CACNA2D1: variants seen among roughly 807,000 people sequenced by gnomAD.
CACNA2D1 encodes voltage-dependent calcium channel subunit alpha-2/delta-1.
CACNA2D1 carries 53 observed loss-of-function variants against 171.5 expected under a neutral mutation model. The observed-to-expected ratio is 0.31, with a 90% CI of 0.25 to 0.39. The LOEUF (loss-of-function observed/expected upper bound fraction) is 0.39, where lower values mean the gene tolerates loss of function less well. CACNA2D1 is among the 10% of genes least tolerant of loss of function. The probability of loss-of-function intolerance (pLI) is 1.00; values close to 1 mark genes in which losing one functional copy is unlikely to be tolerated. For synonymous variants in CACNA2D1, 442 were observed against 443.1 expected (o/e 1.00, Z 0.03); for missense variants, 903 against 1,299.8 (o/e 0.69, Z 4.69).
chr7:82,204,713 C>T (rs1206363131), intron 3 of CACNA2D1, among the ~76,000 whole-genome samples: 1 of 152,080 alleles, frequency 6.6e-6, no homozygotes, highest in Admixed American at 6.5e-5. Flanking sequence ...ATGCATAAGG[C>T]TTATGTGTTG....
chr7:82,399,023 C>T (rs772240495), intron 1 of CACNA2D1, among the ~76,000 whole-genome samples: 10 of 151,976 alleles, frequency 6.6e-5, no homozygotes, highest in African/African-American at 2.4e-4. Context: ...GAACCTTCTA[C>T]ATTTGAATCA....
intron 3 of CACNA2D1, among the ~76,000 whole-genome samples, chr7:82,205,944 T>C (rs1799964507): frequency 2.0e-5 from 3 of 152,146 alleles, no homozygotes; most frequent in Admixed American, 2.0e-4. Flanking sequence ...ATTTTTTTGT[T>C]AAAAATGTTT....
At chr7:82,005,699 T>C (rs879917882) in intron 17 of CACNA2D1, 66 bp downstream of exon 17, 1 of 1,124,862 alleles carries the variant, frequency 8.9e-7, no homozygotes, top group African/African-American at 1.5e-5. Flanking sequence ...ATTACCTAAG[T>C]GCCAAGCTAA....
chr7:82,013,969 G>A (rs1162489742), intron 13 of CACNA2D1, among the ~76,000 whole-genome samples: 1 of 151,760 alleles, frequency 6.6e-6, no homozygotes, highest in East Asian at 1.9e-4. Flanking sequence ...GTGAAAATAT[G>A]AGCTCACTGC....
intron 4 of CACNA2D1, among the ~76,000 whole-genome samples, chr7:82,156,748 GAGT>G (rs1794418846): frequency 6.6e-6 from 1 of 151,844 alleles, no homozygotes; most frequent in Admixed American, 6.6e-5. Context: ...ATGAAAAGCT[GAGT>G]AGATTTAACT....
At chr7:82,181,041 A>ATTTTTTCTTTTTTTTT (rs1797077483) in intron 3 of CACNA2D1, among the ~76,000 whole-genome samples, 1 of 13,942 alleles carries the variant, frequency 7.2e-5, no homozygotes, top group Non-Finnish European at 1.5e-4. Context: ...GGCATGTCGG[A>ATTTTTTCTTTTTTTTT]TTTTTTTTTT....
intron 6 of CACNA2D1, among the ~76,000 whole-genome samples, chr7:82,113,790 C>T (rs1026676187): frequency 6.6e-6 from 1 of 152,116 alleles, no homozygotes; most frequent in African/African-American, 2.4e-5. Context: ...ATCTTGTGGA[C>T]ATTTCTGATT....
intron 3 of CACNA2D1, among the ~76,000 whole-genome samples, chr7:82,269,397 A>G (rs1242742123): frequency 6.6e-6 from 1 of 152,290 alleles, no homozygotes; most frequent in East Asian, 1.9e-4. Flanking sequence ...AAGACCCTTC[A>G]TTACTGTCCT....
chr7:82,397,171 C>T (rs3823916), intron 1 of CACNA2D1, among the ~76,000 whole-genome samples: 34,970 of 151,988 alleles, frequency 0.23, 4,436 homozygotes, highest in East Asian at 0.46. Context: ...CAAAAGGATT[C>T]TGGCTTTTGT....
chr7:82,093,169 C>G (rs540430537), intron 6 of CACNA2D1, among the ~76,000 whole-genome samples: 3 of 152,296 alleles, frequency 2.0e-5, no homozygotes, highest in Non-Finnish European at 2.9e-5. Context: ...GAAGTAACCA[C>G]TTGATCTTGG....
chr7:82,044,340 G>A (rs761880805), intron 10 of CACNA2D1, among the ~76,000 whole-genome samples: 11 of 152,026 alleles, frequency 7.2e-5, no homozygotes, highest in Non-Finnish European at 1.0e-4. Context: ...CACAACTATA[G>A]TTTCTGAAAA....
intron 3 of CACNA2D1, among the ~76,000 whole-genome samples, chr7:82,296,982 C>T (rs1460130592): frequency 6.8e-6 from 1 of 147,596 alleles, no homozygotes; most frequent in Non-Finnish European, 1.5e-5. Context: ...TGCCTGTAAT[C>T]TCAGCATTAT....
At chr7:81,950,529 AAAG>A in intron 38 of CACNA2D1, 21 bp from the exon 39 acceptor site, 2 of 1,595,206 alleles carry the variant, frequency 1.3e-6, no homozygotes, top group Non-Finnish European at 1.7e-6. Context: ...AAAAAAAAGA[AAAG>A]AACAGAAAAA....
chr7:82,146,680 GC>G (rs1793154243), intron 4 of CACNA2D1, among the ~76,000 whole-genome samples: 1 of 150,836 alleles, frequency 6.6e-6, no homozygotes, highest in African/African-American at 2.4e-5. Context: ...AATATGATAG[GC>G]CTATGAGCAA....
At chr7:82,039,637 A>G (rs1253256322) in intron 10 of CACNA2D1, among the ~76,000 whole-genome samples, 2 of 152,220 alleles carry the variant, frequency 1.3e-5, no homozygotes, top group Admixed American at 1.3e-4. Context: ...GCTCTAGAAG[A>G]CAATATCAGG....
At chr7:82,348,669 C>A (rs1563407833) in intron 2 of CACNA2D1, among the ~76,000 whole-genome samples, 1 of 152,062 alleles carries the variant, frequency 6.6e-6, no homozygotes, top group African/African-American at 2.4e-5. Flanking sequence ...TCTATTAATA[C>A]ATAAAGTAAC....
chr7:82,240,764 C>T (rs13221820), intron 3 of CACNA2D1, among the ~76,000 whole-genome samples: 36,364 of 151,918 alleles, frequency 0.24, 5,251 homozygotes, highest in East Asian at 0.49. Context: ...GTCAAGAGAT[C>T]GAGACCATCC....
At chr7:82,060,220 AT>A (rs1562982385) in intron 10 of CACNA2D1, among the ~76,000 whole-genome samples, 2 of 61,060 alleles carry the variant, frequency 3.3e-5, no homozygotes, top group African/African-American at 1.3e-4. Context: ...TAATATATAT[AT>A]AATATATATA....
At chr7:82,180,052 A>T (rs943152148) in intron 3 of CACNA2D1, among the ~76,000 whole-genome samples, 1 of 152,134 alleles carries the variant, frequency 6.6e-6, no homozygotes, top group Admixed American at 6.6e-5. Context: ...AATTTCAATC[A>T]CCATATTGAG....
Sources: gnomAD v4.1 joint callset for allele counts (sites outside exome capture counted in the v4.1 genomes callset) on GRCh38, gnomAD v4.1.1 for gene constraint, MANE v1.5 for transcripts, NCBI Gene and HGNC (gene_info 2026-07-23, HGNC 2026-07-21) for gene names.